CPNE7: variants seen among roughly 807,000 people sequenced by gnomAD.
CPNE7 encodes copine-7.
Under a neutral mutation model 66.5 loss-of-function variants are expected in CPNE7, and 78 were observed. The ratio of observed to expected loss-of-function variants is 1.17; its 90% CI spans 0.98 to 1.42. CPNE7 has a LOEUF of 1.42. CPNE7 is among the 40% of genes most tolerant of loss of function. The pLI, the probability that CPNE7 is intolerant of heterozygous loss-of-function variation, is 0.00. For synonymous variants in CPNE7, 468 were observed against 336.7 expected (o/e 1.39, Z -4.27); for missense variants, 1,012 against 776.6 (o/e 1.30, Z -3.60).
chr16:89,591,267 G>A lies in CPNE7; in HGVS notation c.1302+7G>A, dbSNP rs1431708697. On this transcript the variant is annotated splice_region_variant and intron_variant, in intron 13 of 14. Transcript: ENST00000319518. ...GAGCACCGGGAAAGCCTCTGTAGGTGCCCGGGGGGTGTGGTGCATGCTTGG... is the reference window on the plus strand; with the variant it reads ...GAGCACCGGGAAAGCCTCTGTAGGTACCCGGGGGGTGTGGTGCATGCTTGG... 7 of 1,565,394 alleles carry A rather than the reference G, an allele frequency of 4.5e-6. No homozygotes were observed. Among genetic ancestry groups the A allele is most frequent in the Non-Finnish European group, 6.1e-6 (7 of 1,156,126 alleles).
Position 89,575,872 on chromosome 16 carries a change from C to G in CPNE7, c.-26C>G, listed in dbSNP as rs539794283. On this transcript the variant is annotated 5_prime_UTR_variant, in exon 1 of 15. Transcript: ENST00000319518. ...GCGGGCAGCGGCCCCTCAGTGCGCC[C>G]AGCCGGGCCCCCGAACGCCGGGAGC... is the stretch of plus-strand genomic sequence containing the variant. The G allele has an allele frequency of 2.9e-5, 35 of 1,198,026 alleles. No homozygotes were observed. The East Asian group carries it at 1.2e-3, about 42-fold the overall frequency. 74.2% of individuals were successfully genotyped at this position (1,198,026 alleles called of 1,614,324 possible). A position where few individuals can be genotyped will look rare whatever the true frequency, so the allele number is the denominator to read the frequency against.
At position 89,589,931 on chromosome 16, in the gene CPNE7, C is replaced by T. The variant is rs778731456; in HGVS notation, c.1096C>T (p.Arg366Trp). The T allele has an allele frequency of 9.9e-6, 16 of 1,613,582 alleles. No individual in the cohort carries two copies. The highest frequency in any genetic ancestry group is 1.3e-5 in the African/African-American group (1 of 74,922). ...KRFSALGFGA[R>W]IPPKYEVSHD... ...GTTTTCCGCTTTGGGGTTTGGAGCC[C>T]GGATCCCTCCCAAGTATGAGGTAGG... Residue 366 changes from arginine (R) to tryptophan (W), a missense_variant, in exon 11 of 15, where the codon CGG becomes TGG. Transcript: ENST00000319518.
At position 89,596,523 on chromosome 16, in the gene CPNE7, G is replaced by A. The variant is rs1567969977; in HGVS notation, c.1579G>A (p.Val527Ile). ...GCTGGCCAAGTGCGTGCTGGCCGAG[G>A]TCCCGAAGCAGGTGGTGGAGTACTA... ...AALAKCVLAE[V>I]PKQVVEYYSH... Residue 527 changes from valine (V) to isoleucine (I), a missense_variant, in exon 15 of 15, where the codon GTC becomes ATC. Transcript: ENST00000319518. 1.2e-6 allele frequency: 2 copies of A among 1,610,198 alleles called. No individual in the cohort carries two copies. The highest frequency in any genetic ancestry group is 1.7e-6 in the Non-Finnish European group (2 of 1,179,830).
At chr16:89,587,154 C>CCTCA in intron 9 of CPNE7, 52 bp downstream of exon 9, 1 of 594,456 alleles carries the variant, frequency 1.7e-6, no homozygotes, top group African/African-American at 3.9e-5. Flanking sequence ...GGCCCCGCCC[C>CCTCA]GCCCCGCCCC....
chr16:89,593,579 C>G (rs1453036644), intron 13 of CPNE7, among the ~76,000 whole-genome samples: 2 of 152,108 alleles, frequency 1.3e-5, no homozygotes. Context: ...GTCTCGATCT[C>G]CTGACCTCGT....
At position 89,584,024 on chromosome 16, in the gene CPNE7, C is replaced by T. The variant is rs1478116600; in HGVS notation, c.433-4C>T. 2.5e-6 allele frequency: 4 copies of T among 1,611,778 alleles called. No individual in the cohort carries two copies. The highest frequency in any genetic ancestry group is 3.4e-6 in the Non-Finnish European group (4 of 1,179,560). On this transcript the variant is annotated splice_region_variant and splice_polypyrimidine_tract_variant and intron_variant, in intron 3 of 14. Coordinates refer to ENST00000319518, the MANE Select transcript of CPNE7 (RefSeq NM_153636.3). This position sits in a 1 kb window ranked among gnomAD's most constrained non-coding sequence, Gnocchi z 6.0. The stretch of plus-strand genomic sequence containing the variant: ...AGCCTGGAGCCCGGGCGTCCCCCTG[C>T]CAGGTGATCGCCGAGGACATCTCGG...
At chr16:89,580,467 C>A (rs2058936145) in intron 2 of CPNE7, among the ~76,000 whole-genome samples, 1 of 145,320 alleles carries the variant, frequency 6.9e-6, no homozygotes, top group Non-Finnish European at 1.5e-5. Flanking sequence ...AACATCTCAC[C>A]CATCACACGG....
intron 2 of CPNE7, among the ~76,000 whole-genome samples, chr16:89,582,004 C>G (rs1048661775): frequency 6.6e-6 from 1 of 152,234 alleles, no homozygotes; most frequent in African/African-American, 2.4e-5. Flanking sequence ...GCAGGACATC[C>G]TATGCCTGTT....
intron 13 of CPNE7, 67 bp from the exon 14 acceptor site, chr16:89,595,300 G>C: frequency 1.5e-6 from 2 of 1,361,186 alleles, no homozygotes; most frequent in Non-Finnish European, 2.0e-6. Flanking sequence ...CTGGGGGCCC[G>C]TGGGTTGCAG....
chr16:89,590,981 G>A (rs914125695), intron 11 of CPNE7, 26 bp from the exon 12 acceptor site: 2 of 1,613,274 alleles, frequency 1.2e-6, no homozygotes, highest in African/African-American at 2.7e-5. Flanking sequence ...ACGAGCAGCT[G>A]ACTGAGCCCT....
Position 89,579,907 on chromosome 16 carries a change from C to T in CPNE7, c.357+2186C>T, listed in dbSNP as rs550189508. 6.6e-3 allele frequency among the ~76,000 whole-genome samples: 372 copies of T among 56,738 alleles called. 52 individuals carry two copies. Among genetic ancestry groups the T allele is most frequent in the African/African-American group, 0.016 (359 of 21,780 alleles). 37.2% of individuals were successfully genotyped at this position (56,738 alleles called of 152,430 possible). A position where few individuals can be genotyped will look rare whatever the true frequency, so the allele number is the denominator to read the frequency against. ...GACACGGAACATCTCACCCATCACA[C>T]GGAACATCCCGTCACCCGCTGACAC... On this transcript the variant is annotated intron_variant, in intron 2 of 14. Transcript: ENST00000319518.
chr16:89,591,520 G>A (rs1171819849), intron 13 of CPNE7, among the ~76,000 whole-genome samples: 1 of 152,184 alleles, frequency 6.6e-6, no homozygotes, highest in East Asian at 1.9e-4. Flanking sequence ...CTCTTCCTCT[G>A]GGCACCACAA....
At chr16:89,577,744 G>C in intron 2 of CPNE7, 23 bp downstream of exon 2, 1 of 1,566,840 alleles carries the variant, frequency 6.4e-7, no homozygotes, top group Non-Finnish European at 8.6e-7. Flanking sequence ...TCCCCTCGGA[G>C]GGAGGAGGAC....
At chr16:89,590,450 G>C (rs543729079) in intron 11 of CPNE7, among the ~76,000 whole-genome samples, 8 of 152,042 alleles carry the variant, frequency 5.3e-5, no homozygotes, top group African/African-American at 1.9e-4. Context: ...GCTTGAACCC[G>C]GGAGGCAGAG....
At chr16:89,588,913 C>T in intron 10 of CPNE7, 105 bp downstream of exon 10, 10 of 1,431,102 alleles carry the variant, frequency 7.0e-6, no homozygotes, top group East Asian at 2.4e-5. Context: ...TCAGCTATGA[C>T]AGGTGCACCC....
intron 2 of CPNE7, among the ~76,000 whole-genome samples, chr16:89,582,681 T>C (rs550325054): frequency 4.6e-5 from 7 of 152,256 alleles, no homozygotes; most frequent in South Asian, 2.1e-4. Context: ...TTCTCTTCTG[T>C]GTGGAAAGTG....
chr16:89,577,776 C>A, intron 2 of CPNE7, 55 bp downstream of exon 2: 3 of 1,522,754 alleles, frequency 2.0e-6, no homozygotes, highest in South Asian at 1.2e-5. Flanking sequence ...GGGCCACAGC[C>A]GATTCAAGGC....
At chr16:89,577,869 T>G in intron 2 of CPNE7, 148 bp downstream of exon 2, 1 of 659,504 alleles carries the variant, frequency 1.5e-6, no homozygotes, top group East Asian at 2.7e-5. Flanking sequence ...ACAGTCATTA[T>G]TAGATTAAAA....
chr16:89,593,803 CAT>C (rs2059211311), intron 13 of CPNE7, among the ~76,000 whole-genome samples: 1 of 152,196 alleles, frequency 6.6e-6, no homozygotes, highest in African/African-American at 2.4e-5. Context: ...TTGGCACAAT[CAT>C]AACTTTCAAA....
Sources: gnomAD v4.1 joint callset for allele counts (sites outside exome capture counted in the v4.1 genomes callset) on GRCh38, gnomAD v4.1.1 for gene constraint, Gnocchi (gnomAD v3.1) non-coding constraint, MANE v1.5 for transcripts, NCBI Gene and HGNC (gene_info 2026-07-23, HGNC 2026-07-21) for gene names.